SERPINA12: variants seen among roughly 807,000 people sequenced by gnomAD.
SERPINA12 encodes serpin A12.
In SERPINA12, 21 loss-of-function variants were observed where a neutral mutation model predicts 25.9. That is an observed-to-expected ratio of 0.81 (90% CI 0.58 to 1.17). The LOEUF (loss-of-function observed/expected upper bound fraction) is 1.17, where lower values mean the gene tolerates loss of function less well. SERPINA12 is among the 50% of genes most tolerant of loss of function. The pLI, the probability that SERPINA12 is intolerant of heterozygous loss-of-function variation, is 0.00. For missense variants in SERPINA12, 562 were observed against 508.3 expected (o/e 1.11, Z -1.02); for synonymous variants, 220 against 196.0 (o/e 1.12, Z -1.02).
intron 1 of SERPINA12, among the ~76,000 whole-genome samples, chr14:94,505,453 G>T (rs1231007518): frequency 6.6e-6 from 1 of 152,226 alleles, no homozygotes; most frequent in African/African-American, 2.4e-5. Flanking sequence ...ATGGGTCAAA[G>T]ACACCATGTG....
chr14:94,508,809 G>C (rs1159127263), intron 1 of SERPINA12, among the ~76,000 whole-genome samples: 1 of 152,098 alleles, frequency 6.6e-6, no homozygotes, highest in Non-Finnish European at 1.5e-5. Context: ...TAAAAAATTT[G>C]GGTAAATATG....
chr14:94,503,432 G>A (rs374949446), intron 1 of SERPINA12: 2 of 457,478 alleles, frequency 4.4e-6, no homozygotes. Context: ...CCAGGAAATG[G>A]TCCATATTGA....
rs114289724 is a variant in SERPINA12 at position 94,496,781 on chromosome 14, C to T, written c.635-138G>A. 8.3e-4 allele frequency: 586 copies of T among 703,882 alleles called. 2 individuals are homozygous for T. In the African/African-American group the frequency reaches 9.4e-3, roughly 11 times the overall value. The allele number at this position is 703,882 out of a possible 1,614,324, so 43.6% of individuals were successfully genotyped here. A position where few individuals can be genotyped will look rare whatever the true frequency, so the allele number is the denominator to read the frequency against. On this transcript the variant is annotated intron_variant, in intron 2 of 4. Coordinates refer to ENST00000677451, the MANE Select transcript of SERPINA12 (RefSeq NM_001382267.1). ...GGGATATCAGGGAAGTCCTTGCCCT[C>T]ATGCCATGTCCTGGAGATTTCTGAT...
chr14:94,491,668 G>A (rs960970160), intron 3 of SERPINA12, among the ~76,000 whole-genome samples: 3 of 152,126 alleles, frequency 2.0e-5, no homozygotes, highest in African/African-American at 7.2e-5. Context: ...AGGCATTTGA[G>A]GGTGGTCAGG....
In SERPINA12 at chr14:94,492,289, G is replaced by A. The variant is rs547348499; in HGVS notation, c.906-2522C>T. Among the ~76,000 whole-genome samples the A allele has an allele frequency of 2.0e-5, 3 of 152,314 alleles. No homozygotes were observed. In the East Asian group the frequency reaches 5.8e-4, roughly 29 times the overall value. The stretch of plus-strand genomic sequence containing the variant: ...CTAGGGGCTGTGAACAGAGGCAACT[G>A]CTTCATGGTATTCACCTGCAAAGGG... On this transcript the variant is annotated intron_variant, in intron 3 of 4. Coordinates refer to ENST00000677451, the MANE Select transcript of SERPINA12 (RefSeq NM_001382267.1).
chr14:94,496,706 C>T (rs1335173462), intron 2 of SERPINA12, 63 bp from the exon 3 acceptor site: 3 of 1,383,166 alleles, frequency 2.2e-6, no homozygotes, highest in Non-Finnish European at 3.1e-6. Context: ...CTAAATCCAA[C>T]TAACCAGTAG....
intron 1 of SERPINA12, among the ~76,000 whole-genome samples, chr14:94,504,844 T>C (rs1239872288): frequency 6.6e-6 from 1 of 152,216 alleles, no homozygotes; most frequent in Non-Finnish European, 1.5e-5. Flanking sequence ...CTTTTCTATA[T>C]TTTCCAAATT....
chr14:94,504,751 G>A (rs1224478246), intron 1 of SERPINA12, among the ~76,000 whole-genome samples: 1 of 152,200 alleles, frequency 6.6e-6, no homozygotes, highest in Non-Finnish European at 1.5e-5. Flanking sequence ...TTGTTGTGCT[G>A]GAGTGGTGAG....
intron 2 of SERPINA12, among the ~76,000 whole-genome samples, chr14:94,497,413 T>C (rs975206146): frequency 3.3e-4 from 50 of 152,226 alleles, no homozygotes; most frequent in African/African-American, 1.1e-3. Context: ...TGATGGGCTT[T>C]GTAACTTGGA....
chr14:94,502,024 A>ATGTG (rs10626991), intron 1 of SERPINA12, among the ~76,000 whole-genome samples: 2,613 of 144,676 alleles, frequency 0.018, 58 homozygotes, highest in African/African-American at 0.051. Flanking sequence ...TTAGTTTGGA[A>ATGTG]TGTGTGTGTG....
chr14:94,503,333 A>T, intron 1 of SERPINA12: 1 of 985,100 alleles, frequency 1.0e-6, no homozygotes, highest in African/African-American at 1.7e-5. Context: ...TCCACTTGTT[A>T]ATTTGCCCTG....
upstream of SERPINA12, among the ~76,000 whole-genome samples, chr14:94,510,976 A>T (rs1367790592): frequency 6.6e-6 from 1 of 152,172 alleles, no homozygotes; most frequent in Non-Finnish European, 1.5e-5. Context: ...ATAAAAAACT[A>T]CATATTGGGT....
At chr14:94,500,639 C>A (rs1342896789) in intron 1 of SERPINA12, among the ~76,000 whole-genome samples, 1 of 152,088 alleles carries the variant, frequency 6.6e-6, no homozygotes, top group Non-Finnish European at 1.5e-5. Flanking sequence ...CCTGGGATGT[C>A]CTGGGCAGGA....
intron 1 of SERPINA12, among the ~76,000 whole-genome samples, chr14:94,503,807 C>G (rs1033879594): frequency 6.6e-6 from 1 of 152,238 alleles, no homozygotes; most frequent in Non-Finnish European, 1.5e-5. Context: ...AGCTCACACA[C>G]AAGGATGACT....
rs1435220260 is a variant in SERPINA12 at position 94,498,096 on chromosome 14, C to T, written c.302G>A (p.Gly101Glu). ...TTCTGGCATCTTTCTGAAGTTGAAC[C>T]CCTGCTTGATCTCGTCCAGGGTGCT... ...QDSTLDEIKQGFNFRKMPEKD... is the reference protein window; with the variant it reads ...QDSTLDEIKQEFNFRKMPEKD... The change falls in exon 2 of 5, where the codon GGG becomes GAG. Residue 101 changes from glycine (G) to glutamate (E), a missense_variant. Transcript: ENST00000677451. 1.2e-6 allele frequency: 2 copies of T among 1,614,130 alleles called. No individual in the cohort carries two copies. Among genetic ancestry groups the T allele is most frequent in the East Asian group, 2.2e-5 (1 of 44,884 alleles).
chr14:94,488,082 C>G (rs80325295), intron 4 of SERPINA12, among the ~76,000 whole-genome samples: 2,880 of 152,250 alleles, frequency 0.019, 79 homozygotes, highest in African/African-American at 0.066. Flanking sequence ...GAAAACAGGA[C>G]AGTATCCTGT....
chr14:94,489,170 AAAAAGAG>A (rs1900037736), intron 4 of SERPINA12, among the ~76,000 whole-genome samples: 4 of 151,076 alleles, frequency 2.6e-5, no homozygotes, highest in East Asian at 1.9e-4. Context: ...AAAGAAAGAA[AAAAAGAG>A]AGAGAGAGAC....
chr14:94,498,219 A>G lies in SERPINA12; in HGVS notation c.179T>C (p.Leu60Pro). ...RQNMDLGFKL[L>P]KKLAFYNPGR... The stretch of plus-strand genomic sequence containing the variant: ...AGGGTTGTAAAAGGCCAGCTTCTTG[A>G]GCAGCTTAAAGCCTAAGTCCATGTT... The change falls in exon 2 of 5, where the codon CTC becomes CCC. Residue 60 changes from leucine to proline, a missense_variant. Leu to Pro is a moderately conservative substitution (Grantham distance 98). Transcript: ENST00000677451. 1 of 1,614,194 alleles carries G rather than the reference A, an allele frequency of 6.2e-7. No homozygotes were observed. The highest frequency in any genetic ancestry group is 8.5e-7 in the Non-Finnish European group (1 of 1,180,036).
chr14:94,516,504 A>G (rs1901237799), intron 1 of SERPINA12, among the ~76,000 whole-genome samples: 2 of 152,158 alleles, frequency 1.3e-5, no homozygotes, highest in Non-Finnish European at 2.9e-5. Context: ...GCTGTTCACA[A>G]ACACCAGGTG....
Sources: allele counts gnomAD v4.1 joint callset (sites outside exome capture counted in the v4.1 genomes callset), GRCh38; gene constraint gnomAD v4.1.1; transcripts MANE v1.5; gene names NCBI Gene and HGNC (gene_info 2026-07-23, HGNC 2026-07-21).